Variants in LRCH1 observed in about 807,000 individuals in gnomAD.
LRCH1 encodes leucine rich repeats and calponin homology domain containing 1.
LRCH1 carries 23 observed loss-of-function variants against 94.9 expected under a neutral mutation model. The ratio of observed to expected loss-of-function variants is 0.24; its 90% CI spans 0.17 to 0.34. The LOEUF (loss-of-function observed/expected upper bound fraction) is 0.34. Among genes scored for constraint, LRCH1 ranks in the 10% least tolerant of loss-of-function variants. The pLI, the probability that LRCH1 is intolerant of heterozygous loss-of-function variation, is 1.00. For synonymous variants in LRCH1, 364 were observed against 354.9 expected, an observed-to-expected ratio of 1.03 and a Z score of -0.29; for missense variants, 790 against 945.9, an observed-to-expected ratio of 0.84 and a Z score of 2.16.
intron 1 of LRCH1, among the ~76,000 whole-genome samples, chr13:46,615,366 G>A (rs562703626): frequency 6.6e-6 from 1 of 152,112 alleles, no homozygotes; most frequent in African/African-American, 2.4e-5. Flanking sequence ...ACCAGCTCTT[G>A]TGTGAACTCA....
intron 1 of LRCH1, among the ~76,000 whole-genome samples, chr13:46,615,222 A>G (rs1055645468): frequency 6.6e-6 from 1 of 152,232 alleles, no homozygotes; most frequent in Non-Finnish European, 1.5e-5. Flanking sequence ...GCATGGCACC[A>G]GCATCTGCTC....
intron 3 of LRCH1, 132 bp from the exon 4 acceptor site, chr13:46,681,609 G>A (rs957925769): frequency 4.3e-6 from 3 of 696,148 alleles, no homozygotes; most frequent in Non-Finnish European, 7.8e-6. Context: ...TAATGCTAGG[G>A]ACCTGGAGAT....
intron 3 of LRCH1, among the ~76,000 whole-genome samples, chr13:46,671,519 G>A (rs1386048080): frequency 1.3e-5 from 2 of 152,162 alleles, no homozygotes; most frequent in East Asian, 3.9e-4. Context: ...GGCCTGAATG[G>A]GGCTGAGGGG....
chr13:46,671,196 G>A (rs969693955), intron 3 of LRCH1, among the ~76,000 whole-genome samples: 1 of 152,138 alleles, frequency 6.6e-6, no homozygotes, highest in African/African-American at 2.4e-5. Context: ...TCCTTTCTTG[G>A]TTAGTTCTTA....
chr13:46,730,994 T>C (rs1291870681), intron 18 of LRCH1, among the ~76,000 whole-genome samples: 3 of 152,002 alleles, frequency 2.0e-5, no homozygotes, highest in African/African-American at 7.2e-5. Flanking sequence ...AAACAAATAA[T>C]AGGAAACAAT....
chr13:46,592,847 C>G (rs985630301), intron 1 of LRCH1, among the ~76,000 whole-genome samples: 1 of 152,058 alleles, frequency 6.6e-6, no homozygotes, highest in African/African-American at 2.4e-5. Context: ...TGATAGATCC[C>G]TTCATTCTCG....
chr13:46,553,235 C>CCCCCCCCCATAAA lies in LRCH1; in HGVS notation c.-162_-161insCCCCCCCCATAAA. 5.9e-6 allele frequency: 3 copies of CCCCCCCCCATAAA among 504,910 alleles called. No homozygotes were observed. Among genetic ancestry groups the CCCCCCCCCATAAA allele is most frequent in the Non-Finnish European group, 7.1e-6 (2 of 282,794 alleles). The allele number at this position is 504,910 out of a possible 1,614,324, so 31.3% of individuals were successfully genotyped here. On this transcript the variant is annotated 5_prime_UTR_variant, in exon 1 of 20. Coordinates refer to ENST00000389797, the MANE Select transcript of LRCH1 (RefSeq NM_001164211.2). ...GAGCTGCCACGGCCGCCTCCCCGCC[C>CCCCCCCCCATAAA]GCCCCCCATTCTACGCGCCTGCCCA... is the stretch of plus-strand genomic sequence containing the variant.
chr13:46,665,872 A>G (rs567923517), intron 2 of LRCH1, among the ~76,000 whole-genome samples: 1 of 152,330 alleles, frequency 6.6e-6, no homozygotes, highest in East Asian at 1.9e-4. Flanking sequence ...GGTTTCAAAA[A>G]GCTGAGGCTG....
intron 1 of LRCH1, among the ~76,000 whole-genome samples, chr13:46,648,871 A>C (rs1235251199): frequency 1.3e-5 from 2 of 152,218 alleles, no homozygotes; most frequent in East Asian, 3.8e-4. Flanking sequence ...TTAAAAATTA[A>C]TACCAAATGC....
intron 1 of LRCH1, among the ~76,000 whole-genome samples, chr13:46,618,896 A>C (rs1021033819): frequency 1.3e-5 from 2 of 152,050 alleles, no homozygotes; most frequent in African/African-American, 4.8e-5. Flanking sequence ...TGTTTTCCCC[A>C]TGTGGGTTTG....
At chr13:46,633,907 G>A (rs2051049518) in intron 1 of LRCH1, among the ~76,000 whole-genome samples, 1 of 142,914 alleles carries the variant, frequency 7.0e-6, no homozygotes, top group African/African-American at 2.6e-5. Flanking sequence ...TTGAGATGGA[G>A]TCTCGCTCTG....
intron 2 of LRCH1, among the ~76,000 whole-genome samples, chr13:46,667,899 T>C (rs1360010788): frequency 1.3e-5 from 2 of 152,342 alleles, no homozygotes; most frequent in East Asian, 3.9e-4. Flanking sequence ...GTATTTCCAT[T>C]CTGTCTGTCT....
intron 1 of LRCH1, among the ~76,000 whole-genome samples, chr13:46,599,427 T>A (rs1279320908): frequency 6.6e-6 from 1 of 152,222 alleles, no homozygotes; most frequent in Non-Finnish European, 1.5e-5. Flanking sequence ...TCTGCCATAA[T>A]GTTTTCCATG....
At chr13:46,570,320 C>T (rs2050228056) in intron 1 of LRCH1, among the ~76,000 whole-genome samples, 1 of 152,184 alleles carries the variant, frequency 6.6e-6, no homozygotes, top group Non-Finnish European at 1.5e-5. Flanking sequence ...CTGACATTGA[C>T]TGTGCCTTTG....
At chr13:46,681,965 T>TGTGTGTGTGTGTGTGC (rs1188518112) in intron 4 of LRCH1, 119 bp downstream of exon 4, 4 of 639,170 alleles carry the variant, frequency 6.3e-6, no homozygotes, top group East Asian at 2.8e-5. Flanking sequence ...TGTGTGTGTG[T>TGTGTGTGTGTGTGTGC]GCCTACTACT....
chr13:46,619,038 A>G (rs1390088746), intron 1 of LRCH1, among the ~76,000 whole-genome samples: 1 of 148,628 alleles, frequency 6.7e-6, no homozygotes, highest in Admixed American at 6.8e-5. Context: ...TTCACATCTA[A>G]AGTTCTCTTT....
At chr13:46,616,614 AAC>A (rs2050811927) in intron 1 of LRCH1, among the ~76,000 whole-genome samples, 1 of 152,256 alleles carries the variant, frequency 6.6e-6, no homozygotes, top group African/African-American at 2.4e-5. Context: ...TCATTCGTAA[AAC>A]ACACCCCAGA....
chr13:46,572,853 C>T (rs991525379), intron 1 of LRCH1, among the ~76,000 whole-genome samples: 2 of 152,064 alleles, frequency 1.3e-5, no homozygotes, highest in Non-Finnish European at 2.9e-5. Context: ...CATCCCTTTC[C>T]ACTGCCTGTT....
intron 9 of LRCH1, 128 bp from the exon 10 acceptor site, chr13:46,699,208 C>T: frequency 1.4e-6 from 1 of 695,330 alleles, no homozygotes; most frequent in South Asian, 1.7e-5. Context: ...CCATAGATGG[C>T]TGTTTGGCTT....
Sources: allele counts gnomAD v4.1 joint callset (sites outside exome capture counted in the v4.1 genomes callset), GRCh38; gene constraint gnomAD v4.1.1; transcripts MANE v1.5; gene names NCBI Gene and HGNC (gene_info 2026-07-23, HGNC 2026-07-21).